The following REEP3 variants were observed in gnomAD, a reference collection of about 807,000 sequenced individuals.
REEP3 encodes receptor expression-enhancing protein 3.
Under a neutral mutation model 41.3 loss-of-function variants are expected in REEP3, and 20 were observed. The ratio of observed to expected loss-of-function variants is 0.48; its 90% CI spans 0.34 to 0.70. The LOEUF is 0.70. Ranked by LOEUF, REEP3 falls within the 30% of genes least tolerant of loss-of-function variation. REEP3 has a pLI of 0.01. For synonymous variants in REEP3, 104 were observed against 101.8 expected, an observed-to-expected ratio of 1.02 and a Z score of -0.13; for missense variants, 271 against 308.8, an observed-to-expected ratio of 0.88 and a Z score of 0.92.
intron 6 of REEP3, 109 bp downstream of exon 6, chr10:63,610,443 G>C (rs1315616907): frequency 1.9e-6 from 2 of 1,059,280 alleles, no homozygotes; most frequent in African/African-American, 3.2e-5. Flanking sequence ...GAGAGCATTA[G>C]GACAAATACC....
In REEP3 at chr10:63,620,872, A is replaced by G; in HGVS notation, c.*3A>G. ...AACGACCACAAGTGTATTTTTAGTC[A>G]TCTACACGTCAAATATCCCAAGACA... On this transcript the variant is annotated 3_prime_UTR_variant, in exon 8 of 8. Transcript: ENST00000373758. 1 of 1,596,660 alleles carries G rather than the reference A, an allele frequency of 6.3e-7. No homozygotes were observed. Among genetic ancestry groups the G allele is most frequent in the Middle Eastern group, 1.7e-4 (1 of 6,028 alleles).
intron 1 of REEP3, among the ~76,000 whole-genome samples, chr10:63,552,330 G>A (rs1041328756): frequency 3.9e-5 from 6 of 152,062 alleles, no homozygotes; most frequent in African/African-American, 1.4e-4. Flanking sequence ...AGAATGGCAT[G>A]AATTCAGGAG....
At chr10:63,620,186 G>A (rs10995570) in intron 7 of REEP3, among the ~76,000 whole-genome samples, 6,285 of 151,948 alleles carry the variant, frequency 0.041, 181 homozygotes, top group Non-Finnish European at 0.066. Context: ...TCTCGCCTCC[G>A]CCTCTCGAAG....
chr10:63,603,347 T>C (rs990411186), intron 5 of REEP3, among the ~76,000 whole-genome samples: 14 of 150,234 alleles, frequency 9.3e-5, no homozygotes, highest in African/African-American at 3.4e-4. Flanking sequence ...CCCCACCCAT[T>C]ACCCTTCATT....
At position 63,619,707 on chromosome 10, in the gene REEP3, G is replaced by A. The variant is rs1192685418; in HGVS notation, c.618G>A (p.Glu206=). The change falls in exon 7 of 8, where the codon GAG becomes GAA. Residue 206 remains glutamate, a synonymous_variant. Coordinates refer to ENST00000373758, the MANE Select transcript of REEP3 (RefSeq NM_001001330.3). ...ATGAGAAAACAGATGAAGAAGCAGA[G>A]GGGCCATATTCAGATAATGAGATGT... ...DGDEKTDEEA[E]GPYSDNEMLT... is the part of the protein sequence containing the mutation. 6.2e-7 allele frequency: 1 copy of A among 1,606,628 alleles called. No individual in the cohort carries two copies. Among genetic ancestry groups the A allele is most frequent in the Admixed American group, 1.7e-5 (1 of 58,814 alleles).
At chr10:63,571,380 T>A (rs1179458819) in intron 2 of REEP3, among the ~76,000 whole-genome samples, 2 of 152,152 alleles carry the variant, frequency 1.3e-5, no homozygotes, top group Non-Finnish European at 2.9e-5. Context: ...TCTGGAGGGT[T>A]TAGGGGAAAG....
chr10:63,523,307 G>C (rs915823155), intron 1 of REEP3, among the ~76,000 whole-genome samples: 3 of 152,150 alleles, frequency 2.0e-5, no homozygotes, highest in African/African-American at 4.8e-5. Context: ...TGGAGAATCA[G>C]AAAAGGCAAG....
chr10:63,573,534 T>G (rs973421775), intron 2 of REEP3, among the ~76,000 whole-genome samples: 3 of 152,198 alleles, frequency 2.0e-5, no homozygotes, highest in Non-Finnish European at 2.9e-5. Flanking sequence ...GTTCTGAGAT[T>G]TACTGTGAGC....
intron 1 of REEP3, among the ~76,000 whole-genome samples, chr10:63,556,614 GTTTTTTTTTTT>G (rs1955684720): frequency 7.8e-5 from 1 of 12,868 alleles, no homozygotes; most frequent in Non-Finnish European, 2.9e-4. Flanking sequence ...CTGTTTGCTT[GTTTTTTTTTTT>G]GTTGTTTTGT....
chr10:63,589,452 C>T (rs937732293), intron 2 of REEP3, among the ~76,000 whole-genome samples: 2 of 152,168 alleles, frequency 1.3e-5, no homozygotes, highest in South Asian at 2.1e-4. Context: ...GAGGCCCCTG[C>T]ACAAGATCAG....
chr10:63,541,697 G>T (rs965141877), intron 1 of REEP3, among the ~76,000 whole-genome samples: 3 of 151,912 alleles, frequency 2.0e-5, no homozygotes, highest in Non-Finnish European at 2.9e-5. Flanking sequence ...TGAGTACTTA[G>T]TTTGTTATTT....
intron 2 of REEP3, among the ~76,000 whole-genome samples, chr10:63,569,767 C>A (rs988740671): frequency 1.3e-5 from 2 of 151,990 alleles, no homozygotes; most frequent in Non-Finnish European, 2.9e-5. Context: ...CATGGTGAAA[C>A]CCCGTCTCTA....
intron 1 of REEP3, among the ~76,000 whole-genome samples, chr10:63,548,803 C>G (rs894552169): frequency 1.3e-5 from 2 of 152,004 alleles, no homozygotes; most frequent in Non-Finnish European, 2.9e-5. Context: ...ATTCAGACCA[C>G]GAGTTTTTGT....
intron 1 of REEP3, among the ~76,000 whole-genome samples, chr10:63,556,358 A>G (rs1440469939): frequency 6.6e-6 from 1 of 151,564 alleles, no homozygotes; most frequent in East Asian, 1.9e-4. Context: ...CTGACCTCAA[A>G]TGATCCGCCC....
chr10:63,564,494 A>T (rs1484411821), intron 1 of REEP3, among the ~76,000 whole-genome samples: 7 of 151,974 alleles, frequency 4.6e-5, no homozygotes. Context: ...ATGGTAGCAC[A>T]TGCCTGTAAT....
At chr10:63,522,785 T>G (rs1188417737) in intron 1 of REEP3, among the ~76,000 whole-genome samples, 2 of 152,178 alleles carry the variant, frequency 1.3e-5, no homozygotes, top group African/African-American at 4.8e-5. Context: ...ATCGCAAAGT[T>G]TCTAGTTTTA....
chr10:63,535,997 C>G (rs969852801), intron 1 of REEP3, among the ~76,000 whole-genome samples: 2 of 152,162 alleles, frequency 1.3e-5, no homozygotes, highest in Non-Finnish European at 2.9e-5. Flanking sequence ...TGTTTTATAG[C>G]CTACCATGTA....
chr10:63,539,506 T>C (rs1322638085), intron 1 of REEP3, among the ~76,000 whole-genome samples: 1 of 152,150 alleles, frequency 6.6e-6, no homozygotes. Flanking sequence ...TAGAAAATCT[T>C]AAGAATCCAG....
intron 1 of REEP3, among the ~76,000 whole-genome samples, chr10:63,527,720 T>G (rs1367775510): frequency 6.6e-6 from 1 of 151,936 alleles, no homozygotes; most frequent in Non-Finnish European, 1.5e-5. Flanking sequence ...AAAAGGATAG[T>G]CTATACACCA....
Sources: gnomAD v4.1 joint callset for allele counts (sites outside exome capture counted in the v4.1 genomes callset) on GRCh38, gnomAD v4.1.1 for gene constraint, MANE v1.5 for transcripts, NCBI Gene and HGNC (gene_info 2026-07-23, HGNC 2026-07-21) for gene names.